Variants in UBE2N observed in about 807,000 individuals in gnomAD.
UBE2N encodes ubiquitin conjugating enzyme E2 N, also known as ubiquitin-conjugating enzyme E2 N.
For synonymous variants in UBE2N, 70 were observed against 69.2 expected (o/e 1.01, Z -0.06); for missense variants, 60 against 192.1 (o/e 0.31, Z 4.07).
rs1288979940 is a variant in UBE2N at position 93,406,838 on chromosome 12, C to T, written c.*3201G>A. The T allele has an allele frequency of 2.6e-5, 4 of 152,108 alleles. No individual in the cohort carries two copies. The highest frequency in any genetic ancestry group is 3.8e-4 in the East Asian group (2 of 5,198). The allele number at this position is 152,108 out of a possible 1,614,324, so 9.4% of individuals were successfully genotyped here. The stretch of plus-strand genomic sequence containing the variant: ...CAAAGGAAGTCCTAGAACCAGTTCC[C>T]GACAAATACCAAGAGATGACTTTAC... On this transcript the variant is annotated 3_prime_UTR_variant, in exon 4 of 4. Transcript: ENST00000318066.
At chr12:93,428,875 GCA>G (rs771386101) in intron 1 of UBE2N, among the ~76,000 whole-genome samples, 44 of 152,292 alleles carry the variant, frequency 2.9e-4, no homozygotes, top group East Asian at 1.9e-3. Flanking sequence ...ACTTCTCTAA[GCA>G]CAGTCAGTGC....
rs58309798 is a variant in UBE2N at position 93,406,275 on chromosome 12, C to CAAAAAAAAAAAAAAAAAAAAAAA, written c.*3741_*3763dup. On this transcript the variant is annotated 3_prime_UTR_variant, in exon 4 of 4. Coordinates refer to ENST00000318066, the MANE Select transcript of UBE2N (RefSeq NM_003348.4). Reference sequence around the variant, plus strand: ...AGAGCTAGAAAGTGGCTAGAGCAGCCAAAAAAAAAAAAAAAAAAAAAAAAA... The same window carrying CAAAAAAAAAAAAAAAAAAAAAAA: ...AGAGCTAGAAAGTGGCTAGAGCAGCCAAAAAAAAAAAAAAAAAAAAAAAAAAAAAAAAAAAAAAAAAAAAAAAA... 22 of 38,000 alleles carry CAAAAAAAAAAAAAAAAAAAAAAA rather than the reference C, an allele frequency of 5.8e-4. 2 individuals carry two copies. Among genetic ancestry groups the CAAAAAAAAAAAAAAAAAAAAAAA allele is most frequent in the East Asian group, 4.6e-3 (3 of 654 alleles). The allele number at this position is 38,000 out of a possible 1,614,324, so 2.4% of individuals were successfully genotyped here.
In UBE2N at chr12:93,438,601, G is replaced by GT. The variant is rs150862136; in HGVS notation, c.30+3253dup. On this transcript the variant is annotated intron_variant, in intron 1 of 3. Coordinates refer to ENST00000318066, the MANE Select transcript of UBE2N (RefSeq NM_003348.4). ...GTGGGGGGGAAGGCAAGATTCTAAT[G>GT]TAAGTGTGATGGAGAACCTCTACAG... 6.4e-3 allele frequency among the ~76,000 whole-genome samples: 973 copies of GT among 152,236 alleles called. 12 individuals are homozygous for GT. Among genetic ancestry groups the GT allele is most frequent in the African/African-American group, 0.022 (921 of 41,512 alleles).
intron 1 of UBE2N, among the ~76,000 whole-genome samples, chr12:93,429,642 C>T (rs1477838958): frequency 6.6e-6 from 1 of 151,664 alleles, no homozygotes; most frequent in African/African-American, 2.4e-5. Context: ...ACTGTTGTCA[C>T]AGGAGATGAC....
chr12:93,410,152 AAAC>A (rs1877991777), intron 3 of UBE2N, 73 bp from the exon 4 acceptor site: 6 of 1,390,476 alleles, frequency 4.3e-6, no homozygotes, highest in Non-Finnish European at 6.1e-6. Context: ...TATAAATGGC[AAAC>A]AACCACTATT....
chr12:93,434,632 C>A (rs1878875258), intron 1 of UBE2N, among the ~76,000 whole-genome samples: 1 of 152,068 alleles, frequency 6.6e-6, no homozygotes, highest in Non-Finnish European at 1.5e-5. Flanking sequence ...AAAAGCAGTT[C>A]AAGGATTCTT....
chr12:93,408,792 C>T lies in UBE2N; in HGVS notation c.*1247G>A, dbSNP rs1877942708. 6.6e-6 allele frequency: 1 copy of T among 152,370 alleles called. No homozygotes were observed. The highest frequency in any genetic ancestry group is 1.5e-5 in the Non-Finnish European group (1 of 68,040). The allele number at this position is 152,370 out of a possible 1,614,324, so 9.4% of individuals were successfully genotyped here. Reference sequence around the variant, plus strand: ...AGGGATAAACCTTTCTGATGACACACAAGCTAGATAGTTGAGATCTGCTCA... The same window carrying T: ...AGGGATAAACCTTTCTGATGACACATAAGCTAGATAGTTGAGATCTGCTCA... On this transcript the variant is annotated 3_prime_UTR_variant, in exon 4 of 4. Transcript: ENST00000318066.
At chr12:93,435,966 CAT>C (rs1460161097) in intron 1 of UBE2N, among the ~76,000 whole-genome samples, 2 of 152,088 alleles carry the variant, frequency 1.3e-5, no homozygotes, top group African/African-American at 2.4e-5. Context: ...GGAAGGGAGA[CAT>C]AAAGTAAATT....
intron 1 of UBE2N, among the ~76,000 whole-genome samples, chr12:93,430,035 C>G (rs1878713523): frequency 6.6e-6 from 1 of 152,136 alleles, no homozygotes; most frequent in Non-Finnish European, 1.5e-5. Flanking sequence ...TGTCCTAGCC[C>G]TTCAAATCCA....
intron 1 of UBE2N, among the ~76,000 whole-genome samples, chr12:93,413,126 A>G (rs1403757220): frequency 6.6e-6 from 1 of 152,212 alleles, no homozygotes; most frequent in African/African-American, 2.4e-5. Context: ...AAGGTCACCA[A>G]TGATTTCCAC....
intron 1 of UBE2N, among the ~76,000 whole-genome samples, chr12:93,414,764 T>C (rs1878149742): frequency 6.6e-6 from 1 of 152,142 alleles, no homozygotes; most frequent in African/African-American, 2.4e-5. Context: ...CATTCAACCC[T>C]ACCCTGCACA....
intron 1 of UBE2N, among the ~76,000 whole-genome samples, chr12:93,437,034 G>A (rs1228674263): frequency 1.3e-5 from 2 of 151,644 alleles, no homozygotes; most frequent in Non-Finnish European, 2.9e-5. Flanking sequence ...AGGCCGAGGT[G>A]GAAGAATCAC....
At chr12:93,416,570 G>A (rs939012818) in intron 1 of UBE2N, among the ~76,000 whole-genome samples, 5 of 151,400 alleles carry the variant, frequency 3.3e-5, no homozygotes, top group African/African-American at 7.3e-5. Context: ...GCTAATTTTT[G>A]TATTTTTAGC....
chr12:93,433,279 C>T (rs1878825317), intron 1 of UBE2N, among the ~76,000 whole-genome samples: 1 of 152,036 alleles, frequency 6.6e-6, no homozygotes, highest in Admixed American at 6.6e-5. Context: ...TCATGTAGCC[C>T]TTGAAAGAAT....
intron 1 of UBE2N, among the ~76,000 whole-genome samples, chr12:93,438,621 C>A (rs193062716): frequency 6.6e-6 from 1 of 152,062 alleles, no homozygotes; most frequent in Non-Finnish European, 1.5e-5. Context: ...TGGAGAACCT[C>A]TACAGTTTTT....
At chr12:93,413,867 AG>A (rs1181462512) in intron 1 of UBE2N, among the ~76,000 whole-genome samples, 1 of 152,172 alleles carries the variant, frequency 6.6e-6, no homozygotes, top group Non-Finnish European at 1.5e-5. Context: ...ACCCTTTAAA[AG>A]TCATAGTCCT....
At chr12:93,420,171 A>C (rs1158244266) in intron 1 of UBE2N, among the ~76,000 whole-genome samples, 1 of 152,244 alleles carries the variant, frequency 6.6e-6, no homozygotes, top group African/African-American at 2.4e-5. Context: ...AGAGTACTTT[A>C]GACCAGAGTA....
intron 1 of UBE2N, among the ~76,000 whole-genome samples, chr12:93,439,257 T>C (rs12312856): frequency 0.012 from 1,769 of 152,186 alleles, 38 homozygotes; most frequent in African/African-American, 0.04. Flanking sequence ...GAGGCTGAAA[T>C]GGGTGGATTG....
intron 1 of UBE2N, among the ~76,000 whole-genome samples, chr12:93,435,907 T>C (rs1023137169): frequency 6.7e-6 from 1 of 148,696 alleles, no homozygotes; most frequent in Non-Finnish European, 1.5e-5. Context: ...ATTAATTAAA[T>C]GTATTTTCTT....
Sources: gnomAD v4.1 joint callset for allele counts (sites outside exome capture counted in the v4.1 genomes callset) on GRCh38, gnomAD v4.1.1 for gene constraint, MANE v1.5 for transcripts, NCBI Gene and HGNC (gene_info 2026-07-23, HGNC 2026-07-21) for gene names.